Variants in SMG9 observed in about 807,000 individuals in gnomAD.
The protein encoded by SMG9 is nonsense-mediated mRNA decay factor SMG9.
In SMG9, 55 loss-of-function variants were observed where a neutral mutation model predicts 64.0. That is an observed-to-expected ratio of 0.86 (90% CI 0.69 to 1.08). SMG9 has a LOEUF of 1.08. Ranked by LOEUF, SMG9 falls within the 50% of genes least tolerant of loss-of-function variation. SMG9 has a pLI of 0.00. For missense variants in SMG9, 554 were observed against 681.3 expected (o/e 0.81, Z 2.08); for synonymous variants, 244 against 254.8 (o/e 0.96, Z 0.41).
chr19:43,731,314 C>G lies in SMG9; in HGVS notation c.*282G>C. ...AGATGGAGCCCGGGCTTCCTGGTGA[C>G]CATTCAGACTCCTCCCACTGCTTGT... On this transcript the variant is annotated 3_prime_UTR_variant, in exon 14 of 14. Transcript: ENST00000270066. 8.2e-7 allele frequency: 1 copy of G among 1,223,092 alleles called. No homozygotes were observed. The allele number at this position is 1,223,092 out of a possible 1,614,324, so 75.8% of individuals were successfully genotyped here.
chr19:43,734,247 C>T, intron 10 of SMG9, 142 bp downstream of exon 10: 2 of 651,636 alleles, frequency 3.1e-6, no homozygotes, highest in Admixed American at 2.7e-5. Flanking sequence ...TCCTTTTTGA[C>T]TTTGCTCCTC....
chr19:43,733,261 C>T, intron 12 of SMG9, 63 bp downstream of exon 12: 1 of 1,581,612 alleles, frequency 6.3e-7, no homozygotes, highest in Non-Finnish European at 8.6e-7. Context: ...CCAGTGGGTG[C>T]TGGGTCTCTC....
rs775948640 is a variant in SMG9 at position 43,733,635 on chromosome 19, G to T, written c.1201C>A (p.Arg401Ser). 6.8e-6 allele frequency: 11 copies of T among 1,614,022 alleles called. No individual in the cohort carries two copies. The highest frequency in any genetic ancestry group is 1.7e-5 in the Admixed American group (1 of 60,006). Residue 401 changes from arginine to serine, a missense_variant, in exon 11 of 14, where the codon CGT becomes AGT. Physicochemically the swap from Arg to Ser is moderately radical, Grantham distance 110 (BLOSUM62 -1). Coordinates refer to ENST00000270066, the MANE Select transcript of SMG9 (RefSeq NM_019108.4). ...IDQLMAHSHL[R>S]YKGTLSMLQC... The stretch of plus-strand genomic sequence containing the variant: ...ATGTGGGAACCCTTACCCTTGTAAC[G>T]CAGGTGGGAGTGGGCCATGAGCTGG...
intron 6 of SMG9, among the ~76,000 whole-genome samples, chr19:43,743,647 AC>A (rs1240986162): frequency 2.0e-5 from 3 of 152,070 alleles, no homozygotes; most frequent in Non-Finnish European, 4.4e-5. Flanking sequence ...AAAGTTAAAA[AC>A]CAGCTGGTGT....
intron 2 of SMG9, among the ~76,000 whole-genome samples, chr19:43,749,260 G>A (rs980309276): frequency 3.3e-5 from 5 of 152,182 alleles, no homozygotes; most frequent in Non-Finnish European, 5.9e-5. Context: ...GGGGAGAGGC[G>A]AGAGAGGCAT....
Position 43,731,187 on chromosome 19 carries a change from T to G in SMG9, c.*409A>C. On this transcript the variant is annotated 3_prime_UTR_variant, in exon 14 of 14. Transcript: ENST00000270066. ...CTGTGTTTATTTGAACCACCAGATC[T>G]GTTCCAATAAAGAGCTCTCCAGACC... 9.9e-7 allele frequency: 1 copy of G among 1,007,074 alleles called. No homozygotes were observed. Among genetic ancestry groups the G allele is most frequent in the Non-Finnish European group, 1.2e-6 (1 of 844,006 alleles). The allele number at this position is 1,007,074 out of a possible 1,614,324, so 62.4% of individuals were successfully genotyped here. A position where few individuals can be genotyped will look rare whatever the true frequency, so the allele number is the denominator to read the frequency against.
At chr19:43,735,034 A>G (rs947411306) in intron 9 of SMG9, among the ~76,000 whole-genome samples, 8 of 152,042 alleles carry the variant, frequency 5.3e-5, no homozygotes, top group African/African-American at 1.9e-4. Context: ...TGCTGTCCCT[A>G]TTCATCCCTC....
intron 2 of SMG9, 65 bp from the exon 3 acceptor site, chr19:43,748,117 A>G: frequency 6.5e-7 from 1 of 1,528,228 alleles, no homozygotes; most frequent in Non-Finnish European, 8.8e-7. Flanking sequence ...TTTATGTACC[A>G]TGAACTATTC....
In SMG9 at chr19:43,744,774, C is replaced by T. The variant is rs1968949108; in HGVS notation, c.699G>A (p.Gln233=). 1.2e-6 allele frequency: 2 copies of T among 1,612,866 alleles called. No homozygotes were observed. Among genetic ancestry groups the T allele is most frequent in the Non-Finnish European group, 1.7e-6 (2 of 1,179,174 alleles). ...CACCCTATCTGATAGCCCCTCACCT[C>T]TGGTCCTCCTCTGGAGTGTTGGCTG... ...LLSANTPEED[Q]RTYVFRAQSA... is the part of the protein sequence containing the mutation. The change falls in exon 6 of 14, where the codon CAG becomes CAA. Residue 233 remains glutamine (Q), a splice_region_variant and synonymous_variant. Transcript: ENST00000270066.
At position 43,737,424 on chromosome 19, in the gene SMG9, CT is replaced by C. The variant is rs201552798; in HGVS notation, c.995+172del. On this transcript the variant is annotated intron_variant, in intron 9 of 13. Coordinates refer to ENST00000270066, the MANE Select transcript of SMG9 (RefSeq NM_019108.4). ...GTAGATATGTAAAGTCAGTGGAGGG[CT>C]GTGTGTGCGCGCAGTGCTTTGAGGG... Among the ~76,000 whole-genome samples, 78 of 152,248 alleles carry C rather than the reference CT, an allele frequency of 5.1e-4. 2 individuals carry two copies. In the East Asian group the frequency reaches 0.015, roughly 29 times the overall value.
chr19:43,734,347 T>G (rs757286135), intron 10 of SMG9, 42 bp downstream of exon 10: 2 of 1,491,490 alleles, frequency 1.3e-6, no homozygotes, highest in Non-Finnish European at 1.8e-6. Flanking sequence ...GCCCCTCATT[T>G]TTCCTCCTGC....
At chr19:43,753,034 C>T (rs1023811860) in intron 1 of SMG9, among the ~76,000 whole-genome samples, 8 of 152,084 alleles carry the variant, frequency 5.3e-5, no homozygotes, top group East Asian at 1.9e-4. Context: ...CAGGTCCCTC[C>T]GAGACTCTCC....
chr19:43,733,190 T>C (rs1360948728), intron 12 of SMG9, 134 bp downstream of exon 12: 1 of 1,385,958 alleles, frequency 7.2e-7, no homozygotes, highest in Non-Finnish European at 9.8e-7. Context: ...CAGGATCTTC[T>C]CTCAGACCAG....
At chr19:43,737,572 A>C in intron 9 of SMG9, 25 bp downstream of exon 9, 1 of 1,601,958 alleles carries the variant, frequency 6.2e-7, no homozygotes, top group African/African-American at 1.3e-5. Context: ...CCTCCTCCCC[A>C]CCCTCCAACC....
Position 43,747,833 on chromosome 19 carries a change from G to A in SMG9, c.290C>T (p.Pro97Leu). 1.2e-6 allele frequency: 2 copies of A among 1,605,872 alleles called. No homozygotes were observed. Among genetic ancestry groups the A allele is most frequent in the Non-Finnish European group, 1.7e-6 (2 of 1,175,590 alleles). The change falls in exon 4 of 14, where the codon CCC becomes CTC. Residue 97 changes from proline (P) to leucine (L), a missense_variant. By Grantham distance (98) the Pro-to-Leu change is moderately conservative. Coordinates refer to ENST00000270066, the MANE Select transcript of SMG9 (RefSeq NM_019108.4). ...APPAPAPLEK[P>L]IVLMKPREEG... ...CTCCCGTGGCTTCATGAGAACGATG[G>A]GCTTCTCCAGAGGGGCTGGAGCAGG... is the stretch of plus-strand genomic sequence containing the variant.
At position 43,730,039 on chromosome 19, in the gene SMG9, A is replaced by AC. The variant is rs1205670887; in HGVS notation, c.*1556dup. On this transcript the variant is annotated 3_prime_UTR_variant, in exon 14 of 14. Transcript: ENST00000270066. ...GCCCTGCTGAGTGCTTTCTTCACTG[A>AC]CCCCCCGCCCCCCCTCACTTCAGTT... 1 of 151,176 alleles carries AC rather than the reference A, an allele frequency of 6.6e-6. No homozygotes were observed. The highest frequency in any genetic ancestry group is 1.5e-5 in the Non-Finnish European group (1 of 68,256). The allele number at this position is 151,176 out of a possible 1,614,324, so 9.4% of individuals were successfully genotyped here.
At position 43,744,800 on chromosome 19, in the gene SMG9, A is replaced by T; in HGVS notation, c.673T>A (p.Ser225Thr). The change falls in exon 6 of 14, where the codon TCA (serine) becomes ACA (threonine). Residue 225 changes from serine to threonine, a missense_variant. Transcript: ENST00000270066. ...TGGTCCTCCTCTGGAGTGTTGGCTGACAACAATGACATGACCATGGACTTG... is the reference window on the plus strand; with the variant it reads ...TGGTCCTCCTCTGGAGTGTTGGCTGTCAACAATGACATGACCATGGACTTG... Reference protein sequence around the residue: ...TGKSMVMSLLSANTPEEDQRT... With the variant: ...TGKSMVMSLLTANTPEEDQRT... 1.9e-6 allele frequency: 3 copies of T among 1,613,832 alleles called. No homozygotes were observed. Among genetic ancestry groups the T allele is most frequent in the Non-Finnish European group, 2.5e-6 (3 of 1,179,836 alleles).
intron 2 of SMG9, chr19:43,748,577 T>C: frequency 2.4e-5 from 12 of 493,828 alleles, no homozygotes; most frequent in South Asian, 1.8e-4. Context: ...GAGCTGCTGG[T>C]GGCACTTGCT....
intron 5 of SMG9, among the ~76,000 whole-genome samples, chr19:43,746,138 A>C (rs1968997593): frequency 6.6e-6 from 1 of 152,178 alleles, no homozygotes; most frequent in African/African-American, 2.4e-5. Context: ...GTGCCACTGC[A>C]CTCCAGCCTA....
Sources: gnomAD v4.1 joint callset for allele counts (sites outside exome capture counted in the v4.1 genomes callset) on GRCh38, gnomAD v4.1.1 for gene constraint, MANE v1.5 for transcripts, NCBI Gene and HGNC (gene_info 2026-07-23, HGNC 2026-07-21) for gene names.